ERBB4: variants seen among roughly 807,000 people sequenced by gnomAD.
ERBB4 encodes the protein receptor tyrosine-protein kinase erbB-4.
A neutral mutation model predicts 158.0 loss-of-function variants in ERBB4; 42 were observed. That is an observed-to-expected ratio of 0.27 (90% CI 0.21 to 0.34). The LOEUF is 0.34. Ranked by LOEUF, ERBB4 falls within the 10% of genes least tolerant of loss-of-function variation. The pLI, the probability that ERBB4 is intolerant of heterozygous loss-of-function variation, is 1.00. For synonymous variants in ERBB4, 583 were observed against 558.7 expected, an observed-to-expected ratio of 1.04 and a Z score of -0.61; for missense variants, 1,333 against 1,624.1, an observed-to-expected ratio of 0.82 and a Z score of 3.08.
At chr2:212,359,783 C>T (rs972671404) in intron 1 of ERBB4, among the ~76,000 whole-genome samples, 1 of 151,642 alleles carries the variant, frequency 6.6e-6, no homozygotes, top group African/African-American at 2.4e-5. Context: ...AAAACAAATG[C>T]TAAACCAGAA....
intron 3 of ERBB4, among the ~76,000 whole-genome samples, chr2:211,865,912 T>G (rs2078193950): frequency 6.6e-6 from 1 of 152,176 alleles, no homozygotes; most frequent in African/African-American, 2.4e-5. Flanking sequence ...GTAAAATAAA[T>G]TAAACACACC....
intron 19 of ERBB4, among the ~76,000 whole-genome samples, chr2:211,575,815 C>T (rs1164342241): frequency 1.3e-5 from 2 of 152,098 alleles, no homozygotes; most frequent in Non-Finnish European, 2.9e-5. Context: ...CAGTGAGTGA[C>T]TTTAATTAAG....
intron 2 of ERBB4, among the ~76,000 whole-genome samples, chr2:212,050,235 A>G (rs887730048): frequency 9.2e-5 from 14 of 152,136 alleles, no homozygotes; most frequent in South Asian, 4.1e-4. Flanking sequence ...AGGTAATCGT[A>G]TCAGAAAACT....
At chr2:212,402,379 G>C (rs1574852912) in intron 1 of ERBB4, among the ~76,000 whole-genome samples, 1 of 152,058 alleles carries the variant, frequency 6.6e-6, no homozygotes, top group African/African-American at 2.4e-5. Flanking sequence ...GAGGAATGTG[G>C]ATGTGGTTAT....
At chr2:212,068,066 G>A (rs1289376780) in intron 2 of ERBB4, among the ~76,000 whole-genome samples, 1 of 151,964 alleles carries the variant, frequency 6.6e-6, no homozygotes. Flanking sequence ...AGTTCATGGG[G>A]AGCCTGGCTG....
chr2:212,230,782 T>C (rs2083638187), intron 1 of ERBB4, among the ~76,000 whole-genome samples: 1 of 152,192 alleles, frequency 6.6e-6, no homozygotes, highest in Non-Finnish European at 1.5e-5. Flanking sequence ...TCAGGAGTTA[T>C]AATACAAAAG....
intron 1 of ERBB4, among the ~76,000 whole-genome samples, chr2:212,210,832 G>C (rs73987285): frequency 0.035 from 5,379 of 152,012 alleles, 289 homozygotes; most frequent in African/African-American, 0.12. Context: ...TGTATTGAAG[G>C]CTCTTGGTTC....
rs1362251639 is a variant in ERBB4, at chr2:212,188,261, T to C, written c.83-63358A>G. ...CCCCCCCTCTCACCCCCTCCCTCCCTCCCTCTTCTCTCCCTCCCTCTTCTC... is the reference window on the plus strand; with the variant it reads ...CCCCCCCTCTCACCCCCTCCCTCCCCCCCTCTTCTCTCCCTCCCTCTTCTC... On this transcript the variant is annotated intron_variant, in intron 1 of 27. Coordinates refer to ENST00000342788, the MANE Select transcript of ERBB4 (RefSeq NM_005235.3). Among the ~76,000 whole-genome samples the C allele has an allele frequency of 6.0e-3, 72 of 12,080 alleles. 4 individuals are homozygous for C. Among genetic ancestry groups the C allele is most frequent in the East Asian group, 0.025 (3 of 122 alleles). 7.9% of individuals were successfully genotyped at this position (12,080 alleles called of 152,430 possible).
At chr2:211,595,207 C>G (rs2068594839) in intron 19 of ERBB4, among the ~76,000 whole-genome samples, 1 of 152,210 alleles carries the variant, frequency 6.6e-6, no homozygotes, top group South Asian at 2.1e-4. Flanking sequence ...TAGGCATTAA[C>G]TTGCCTAGAA....
At chr2:212,260,922 A>T (rs1272706073) in intron 1 of ERBB4, among the ~76,000 whole-genome samples, 1 of 152,208 alleles carries the variant, frequency 6.6e-6, no homozygotes, top group Non-Finnish European at 1.5e-5. Context: ...TCTGAAAGAA[A>T]TGAAAGTTAT....
chr2:211,452,961 A>G (rs2064287392), intron 20 of ERBB4, among the ~76,000 whole-genome samples: 1 of 152,244 alleles, frequency 6.6e-6, no homozygotes. Flanking sequence ...ATATAGTTAG[A>G]AAGAAGCCAT....
At chr2:212,429,145 A>G (rs1168806798) in intron 1 of ERBB4, 2 of 152,294 alleles carry the variant, frequency 1.3e-5, no homozygotes, top group Non-Finnish European at 1.5e-5. Flanking sequence ...ATTATAGAAC[A>G]AAGAGAAACT....
chr2:211,475,998 A>G (rs1307702115), intron 20 of ERBB4, among the ~76,000 whole-genome samples: 1 of 152,116 alleles, frequency 6.6e-6, no homozygotes, highest in Non-Finnish European at 1.5e-5. Flanking sequence ...TGACTCAAGT[A>G]TATGGCAAAA....
intron 20 of ERBB4, among the ~76,000 whole-genome samples, chr2:211,498,084 C>G (rs1486313930): frequency 6.6e-6 from 1 of 152,118 alleles, no homozygotes; most frequent in Non-Finnish European, 1.5e-5. Flanking sequence ...CCATGTGGAG[C>G]ACCACATGAA....
At position 211,377,859 on chromosome 2, in the gene ERBB4, CAG is replaced by C; in HGVS notation, c.*5754_*5755del. 1 of 232,852 alleles carries C rather than the reference CAG, an allele frequency of 4.3e-6. No individual in the cohort carries two copies. Among genetic ancestry groups the C allele is most frequent in the Non-Finnish European group, 8.5e-6 (1 of 117,592 alleles). The allele number at this position is 232,852 out of a possible 1,614,324, so 14.4% of individuals were successfully genotyped here. Reference sequence around the variant, plus strand: ...TCTCAAATTCCTATAGGGAAGGACACAGAGAATTGATCTTCATGGGAAACCAT... The same window carrying C: ...TCTCAAATTCCTATAGGGAAGGACACAGAATTGATCTTCATGGGAAACCAT... On this transcript the variant is annotated 3_prime_UTR_variant, in exon 28 of 28. Transcript: ENST00000342788.
At chr2:211,596,053 C>A (rs1251329189) in intron 19 of ERBB4, among the ~76,000 whole-genome samples, 1 of 151,962 alleles carries the variant, frequency 6.6e-6, no homozygotes, top group Non-Finnish European at 1.5e-5. Flanking sequence ...GAAAAAAATA[C>A]AATCATATTT....
At chr2:211,576,415 C>T (rs928090941) in intron 19 of ERBB4, among the ~76,000 whole-genome samples, 1 of 152,146 alleles carries the variant, frequency 6.6e-6, no homozygotes, top group Admixed American at 6.5e-5. Context: ...TCTTGGGTTT[C>T]CATAATGCCT....
At chr2:211,626,961 A>AT (rs1553598816) in intron 17 of ERBB4, among the ~76,000 whole-genome samples, 3 of 36,334 alleles carry the variant, frequency 8.3e-5, no homozygotes, top group African/African-American at 2.1e-4. Context: ...AAAAATAAAA[A>AT]AAAAAAAGTG....
chr2:212,366,086 C>T (rs1431891111), intron 1 of ERBB4, among the ~76,000 whole-genome samples: 1 of 151,836 alleles, frequency 6.6e-6, no homozygotes, highest in Non-Finnish European at 1.5e-5. Flanking sequence ...ACAGGGATCA[C>T]CATCTCAAGG....
Sources: allele counts gnomAD v4.1 joint callset (sites outside exome capture counted in the v4.1 genomes callset), GRCh38; gene constraint gnomAD v4.1.1; transcripts MANE v1.5; gene names NCBI Gene and HGNC (gene_info 2026-07-23, HGNC 2026-07-21).